ABCA4: variants seen among roughly 807,000 people sequenced by gnomAD.
The protein encoded by ABCA4 is retinal-specific phospholipid-transporting ATPase ABCA4.
Under a neutral mutation model 263.7 loss-of-function variants are expected in ABCA4, and 196 were observed. That is an observed-to-expected ratio of 0.74 (90% CI 0.66 to 0.84). The LOEUF (loss-of-function observed/expected upper bound fraction) is 0.84, where lower values mean the gene tolerates loss of function less well. Among genes scored for constraint, ABCA4 ranks in the 40% least tolerant of loss-of-function variants. The pLI is 0.00. For synonymous variants in ABCA4, 1,133 were observed against 1,094.2 expected, an observed-to-expected ratio of 1.04 and a Z score of -0.70; for missense variants, 2,792 against 2,855.1, an observed-to-expected ratio of 0.98 and a Z score of 0.50.
At chr1:94,111,989 G>A (rs770320248) in intron 2 of ABCA4, among the ~76,000 whole-genome samples, 19 of 152,214 alleles carry the variant, frequency 1.2e-4, no homozygotes, top group Non-Finnish European at 2.5e-4. Flanking sequence ...CATGCAGTAG[G>A]GCTGCAGGTT....
At position 94,063,233 on chromosome 1, in the gene ABCA4, A is replaced by G; in HGVS notation, c.1639T>C (p.Phe547Leu). The G allele has an allele frequency of 1.2e-6, 2 of 1,614,146 alleles. No individual in the cohort carries two copies. The highest frequency in any genetic ancestry group is 1.7e-6 in the Non-Finnish European group (2 of 1,180,022). ...RALSLLEENM[F>L]WAGVVFPDMY... ...TCAGGGAATACCACTCCGGCCCAGA[A>G]CATGTTTTCCTCCAGTAGAGAGAGG... Residue 547 changes from phenylalanine to leucine, a missense_variant, in exon 12 of 50, where the codon TTC (phenylalanine) becomes CTC (leucine). Phe to Leu is a conservative substitution (Grantham distance 22). Transcript: ENST00000370225.
At chr1:94,055,990 TAG>T (rs1352647965) in intron 15 of ABCA4, among the ~76,000 whole-genome samples, 1 of 152,120 alleles carries the variant, frequency 6.6e-6, no homozygotes, top group African/African-American at 2.4e-5. Context: ...TGAAAACAAT[TAG>T]AGAAAAGACA....
Position 94,019,770 on chromosome 1 carries a change from G to A in ABCA4, c.5019-11C>T. On this transcript the variant is annotated splice_polypyrimidine_tract_variant and intron_variant, in intron 35 of 49. Transcript: ENST00000370225. Reference sequence around the variant, plus strand: ...ACTGAAGTGGTCAGCCTGCAGCAGGGCCAGAGACACAGGGAGAGGGCGATG... The same window carrying A: ...ACTGAAGTGGTCAGCCTGCAGCAGGACCAGAGACACAGGGAGAGGGCGATG... 1 of 1,609,060 alleles carries A rather than the reference G, an allele frequency of 6.2e-7. No homozygotes were observed. Among genetic ancestry groups the A allele is most frequent in the Non-Finnish European group, 8.5e-7 (1 of 1,177,578 alleles).
At chr1:94,044,231 C>A (rs939535482) in intron 20 of ABCA4, among the ~76,000 whole-genome samples, 1 of 152,110 alleles carries the variant, frequency 6.6e-6, no homozygotes, top group Non-Finnish European at 1.5e-5. Context: ...TGAAAAGCCC[C>A]CTGAAAAGTT....
chr1:94,059,529 T>C (rs1252566128), intron 14 of ABCA4: 1 of 152,220 alleles, frequency 6.6e-6, no homozygotes, highest in Non-Finnish European at 1.5e-5. Context: ...ACTGGAGATG[T>C]GTTGTTTGAA....
chr1:94,024,265 T>C (rs1301711636), intron 31 of ABCA4, among the ~76,000 whole-genome samples: 2 of 152,080 alleles, frequency 1.3e-5, no homozygotes, highest in African/African-American at 2.4e-5. Context: ...TAGGATCCTC[T>C]CTCCTGGCAT....
chr1:94,032,175 G>C (rs1406986984), intron 26 of ABCA4, 132 bp from the exon 27 acceptor site: 6 of 1,087,700 alleles, frequency 5.5e-6, no homozygotes, highest in Admixed American at 2.1e-5. Flanking sequence ...CAGGCTGGTA[G>C]CTTAATCATC....
At chr1:94,087,805 T>C (rs996303459) in intron 6 of ABCA4, among the ~76,000 whole-genome samples, 1 of 152,200 alleles carries the variant, frequency 6.6e-6, no homozygotes, top group Non-Finnish European at 1.5e-5. Context: ...AAATATGTAT[T>C]GAGTGTCTGC....
rs377164833 is a variant in ABCA4, at chr1:94,062,696, G to A, written c.1818C>T (p.Gly606=). Residue 606 remains glycine, a synonymous_variant, in exon 13 of 50, where the codon GGC becomes GGT. Transcript: ENST00000370225. ...DPVEDFRYIW[G]GFAYLQDMVE... is the part of the protein sequence containing the mutation. ...CCATGTCCTGCAGATAGGCAAACCC[G>A]CCCCAGATGTACCGGAAATCTTCCA... The A allele has an allele frequency of 1.1e-4, 174 of 1,613,908 alleles. 3 individuals are homozygous for A. The South Asian group carries it at 1.3e-3, about 12-fold the overall frequency.
At chr1:94,105,463 G>A (rs1662405300) in intron 4 of ABCA4, among the ~76,000 whole-genome samples, 1 of 152,182 alleles carries the variant, frequency 6.6e-6, no homozygotes, top group South Asian at 2.1e-4. Context: ...CCTGAGGAGG[G>A]CGGGGGCCCA....
At chr1:94,027,716 C>T (rs1660080565) in intron 30 of ABCA4, among the ~76,000 whole-genome samples, 1 of 152,194 alleles carries the variant, frequency 6.6e-6, no homozygotes, top group Admixed American at 6.5e-5. Flanking sequence ...ATTTGCTCCT[C>T]CCTGCTGCCT....
chr1:93,993,405 C>G (rs1168332604), intron 49 of ABCA4, among the ~76,000 whole-genome samples, 163 bp from the exon 50 acceptor site: 1 of 152,122 alleles, frequency 6.6e-6, no homozygotes, highest in Non-Finnish European at 1.5e-5. Flanking sequence ...CCATCTTTCT[C>G]TCCTTCTCTA....
At chr1:94,098,664 C>T in intron 6 of ABCA4, 130 bp downstream of exon 6, 1 of 1,093,416 alleles carries the variant, frequency 9.1e-7, no homozygotes, top group Non-Finnish European at 1.4e-6. Flanking sequence ...TTTTTGAGCC[C>T]TGGGAGCCTG....
At chr1:93,998,584 A>T (rs1659077715) in intron 47 of ABCA4, among the ~76,000 whole-genome samples, 1 of 152,176 alleles carries the variant, frequency 6.6e-6, no homozygotes, top group Admixed American at 6.5e-5. Context: ...ACTGAAAACT[A>T]GGAGAGAAAA....
At chr1:94,032,303 T>G (rs186574136) in intron 26 of ABCA4, among the ~76,000 whole-genome samples, 184 of 152,300 alleles carry the variant, frequency 1.2e-3, no homozygotes, top group African/African-American at 4.2e-3. Context: ...TCTAAAAGCA[T>G]TGACATGGAG....
intron 8 of ABCA4, among the ~76,000 whole-genome samples, chr1:94,079,871 G>C (rs1661642218): frequency 6.6e-6 from 1 of 152,058 alleles, no homozygotes; most frequent in Admixed American, 6.6e-5. Context: ...TTTGTTGTGT[G>C]TAGCTATCTT....
intron 17 of ABCA4, among the ~76,000 whole-genome samples, chr1:94,050,143 C>T (rs1660794544): frequency 6.6e-6 from 1 of 152,214 alleles, no homozygotes; most frequent in African/African-American, 2.4e-5. Flanking sequence ...GGACCTGCTG[C>T]CTCTAGTACT....
chr1:94,009,316 G>A (rs17110808), intron 40 of ABCA4, among the ~76,000 whole-genome samples: 17,034 of 152,090 alleles, frequency 0.11, 1,244 homozygotes, highest in African/African-American at 0.21. Context: ...TAACCTCCGA[G>A]CCTCCCACTT....
Position 94,014,599 on chromosome 1 carries a change from T to G in ABCA4, c.5404A>C (p.Ile1802Leu). The change falls in exon 38 of 50, where the codon ATC becomes CTC. Residue 1802 changes from isoleucine to leucine, a missense_variant. Ile to Leu is a conservative substitution (Grantham distance 5). Coordinates refer to ENST00000370225, the MANE Select transcript of ABCA4 (RefSeq NM_000350.3). ...YVALSCANLF[I>L]GINSSAITFI... ...GTAATAGCACTGCTGTTGATGCCGA[T>G]GAACAGATTAGCACAAGATAAAGCC... The G allele has an allele frequency of 6.2e-7, 1 of 1,614,172 alleles. No homozygotes were observed.
Sources: gnomAD v4.1 joint callset for allele counts (sites outside exome capture counted in the v4.1 genomes callset) on GRCh38, gnomAD v4.1.1 for gene constraint, MANE v1.5 for transcripts, NCBI Gene and HGNC (gene_info 2026-07-23, HGNC 2026-07-21) for gene names.